NCOA2: variants seen among roughly 807,000 people sequenced by gnomAD.
The protein encoded by NCOA2 is class E basic helix-loop-helix protein 75.
Under a neutral mutation model 145.1 loss-of-function variants are expected in NCOA2, and 21 were observed. That is an observed-to-expected ratio of 0.14 (90% CI 0.10 to 0.21). The LOEUF is 0.21. NCOA2 is among the 10% of genes least tolerant of loss of function. NCOA2 has a pLI of 1.00. For synonymous variants in NCOA2, 619 were observed against 637.5 expected (o/e 0.97, Z 0.44); for missense variants, 1,472 against 1,837.6 (o/e 0.80, Z 3.64).
chr8:70,282,418 G>A (rs937960480), intron 2 of NCOA2, among the ~76,000 whole-genome samples: 3 of 152,184 alleles, frequency 2.0e-5, no homozygotes, highest in African/African-American at 7.2e-5. Flanking sequence ...GGGCACGGAG[G>A]CTCATGCCTT....
chr8:70,273,742 T>C, intron 2 of NCOA2: 1 of 610,732 alleles, frequency 1.6e-6, no homozygotes, highest in Non-Finnish European at 3.1e-6. Flanking sequence ...AAACAATCTG[T>C]GGGTGGAAAA....
At chr8:70,450,791 T>C in the NCOA2 span, among the ~76,000 whole-genome samples, 3 of 151,342 alleles carry the variant, frequency 2.0e-5, no homozygotes, top group Non-Finnish European at 4.4e-5. Context: ...AGTCTCGAAC[T>C]CTTGACCTCA....
At chr8:70,435,953 G>C in the NCOA2 span, among the ~76,000 whole-genome samples, 2 of 152,012 alleles carry the variant, frequency 1.3e-5, no homozygotes, top group African/African-American at 4.8e-5. Context: ...TGCGTGCCAC[G>C]ACGTCTGACA....
chr8:70,194,748 T>C lies in NCOA2; in HGVS notation c.259+19155A>G, dbSNP rs1373048687. Among the ~76,000 whole-genome samples, 5 of 146,688 alleles carry C rather than the reference T, an allele frequency of 3.4e-5. No individual in the cohort carries two copies. The South Asian group carries it at 8.7e-4, about 25-fold the overall frequency. ...TGAAAGTGTGCATCATCTTCTGAAA[T>C]AGGGATCTGCAAAAAATATTCTTCC... On this transcript the variant is annotated intron_variant, in intron 4 of 22. Transcript: ENST00000452400.
At chr8:70,132,050 T>C in intron 15 of NCOA2, 48 bp from the exon 16 acceptor site, 8 of 1,559,376 alleles carry the variant, frequency 5.1e-6, no homozygotes, top group Non-Finnish European at 7.0e-6. Context: ...AGCTAGTTGA[T>C]TAGAGAACAA....
rs1458417999 is a variant in NCOA2, at chr8:70,148,396, C to A, written c.2482G>T (p.Gly828Cys). 5.6e-6 allele frequency: 9 copies of A among 1,613,858 alleles called. No homozygotes were observed. The highest frequency in any genetic ancestry group is 7.6e-6 in the Non-Finnish European group (9 of 1,179,900). ...TTGTCAACTGATCCAGCAGGGGCGC[C>A]TGGCCTCGTGTCTGGGAAAAGCTGT... ...LPQLFPDTRPGAPAGSVDKQA... is the reference protein window; with the variant it reads ...LPQLFPDTRPCAPAGSVDKQA... The change falls in exon 12 of 23, where the codon GGC becomes TGC. Residue 828 changes from glycine (G) to cysteine (C), a missense_variant. Gly to Cys is a radical substitution (Grantham distance 159, BLOSUM62 -3). Around this residue, in one of 4 missense-constraint regions of NCOA2, gnomAD observed 953 missense variants for 1,062.1 expected, o/e 0.90. Coordinates refer to ENST00000452400, the MANE Select transcript of NCOA2 (RefSeq NM_006540.4).
At chr8:70,382,641 G>A (rs1314900357) in intron 1 of NCOA2, among the ~76,000 whole-genome samples, 1 of 152,182 alleles carries the variant, frequency 6.6e-6, no homozygotes, top group Non-Finnish European at 1.5e-5. Flanking sequence ...ATTATAATTT[G>A]TAAAAATGAA....
At chr8:70,342,316 T>C (rs1435839550) in intron 1 of NCOA2, among the ~76,000 whole-genome samples, 2 of 152,156 alleles carry the variant, frequency 1.3e-5, no homozygotes, top group African/African-American at 4.8e-5. Flanking sequence ...AAGGCAGTCC[T>C]TTGAGGCCTG....
chr8:70,190,460 T>C (rs1296254500), intron 4 of NCOA2, among the ~76,000 whole-genome samples: 3 of 152,190 alleles, frequency 2.0e-5, no homozygotes, highest in East Asian at 3.8e-4. Context: ...GGGAGCTCAA[T>C]TAAAACCTTG....
chr8:70,163,439 T>C (rs1403472434), intron 8 of NCOA2, 26 bp downstream of exon 8: 1 of 1,514,144 alleles, frequency 6.6e-7, no homozygotes, highest in South Asian at 1.1e-5. Flanking sequence ...ATGATTCCTT[T>C]GGTCTTCTTT....
chr8:70,123,250 G>A (rs1397643177), intron 21 of NCOA2, among the ~76,000 whole-genome samples: 3 of 152,220 alleles, frequency 2.0e-5, no homozygotes, highest in Non-Finnish European at 4.4e-5. Flanking sequence ...GATTATCTGT[G>A]TCGGTCTCTT....
intron 1 of NCOA2, among the ~76,000 whole-genome samples, chr8:70,403,190 G>A (rs1365142685): frequency 1.3e-5 from 2 of 151,228 alleles, no homozygotes; most frequent in Admixed American, 6.6e-5. Flanking sequence ...CACCTTCCCA[G>A]GATTCACCTT....
At chr8:70,448,745 C>T in the NCOA2 span, among the ~76,000 whole-genome samples, 1 of 151,088 alleles carries the variant, frequency 6.6e-6, no homozygotes, top group Non-Finnish European at 1.5e-5. Flanking sequence ...AAAGAATATA[C>T]TTAATTATTG....
chr8:70,402,857 C>T (rs1814459094), intron 1 of NCOA2, among the ~76,000 whole-genome samples: 1 of 146,322 alleles, frequency 6.8e-6, no homozygotes, highest in African/African-American at 2.5e-5. Flanking sequence ...CCCGGCTCGG[C>T]GCCGCCGGGG....
At chr8:70,121,274 A>G (rs748094074) in intron 22 of NCOA2, 28 bp downstream of exon 22, 1 of 1,564,720 alleles carries the variant, frequency 6.4e-7, no homozygotes, top group Non-Finnish European at 8.8e-7. Context: ...TTACTTCCAT[A>G]TTCATATATT....
chr8:70,301,673 A>G (rs1424128357), intron 1 of NCOA2, among the ~76,000 whole-genome samples: 4 of 145,880 alleles, frequency 2.7e-5, no homozygotes, highest in Non-Finnish European at 3.1e-5. Context: ...AAAAAAAAAA[A>G]AAAAAAAGAA....
chr8:70,397,835 C>T (rs181458864), intron 1 of NCOA2, among the ~76,000 whole-genome samples: 97 of 152,256 alleles, frequency 6.4e-4, no homozygotes, highest in Admixed American at 2.4e-3. Context: ...CATTTCAACC[C>T]CATTTTCAGG....
chr8:70,131,799 G>C (rs116291656), intron 16 of NCOA2, 38 bp downstream of exon 16: 18 of 1,558,826 alleles, frequency 1.2e-5, no homozygotes, highest in Non-Finnish European at 1.4e-5. Context: ...GCGCCCATGA[G>C]AGCGCTTGGC....
chr8:70,241,378 C>T (rs533961647), intron 2 of NCOA2, among the ~76,000 whole-genome samples: 7 of 152,268 alleles, frequency 4.6e-5, no homozygotes, highest in Non-Finnish European at 8.8e-5. Context: ...CCTTCATTCT[C>T]CTTCCTCTAA....
Sources: allele counts gnomAD v4.1 joint callset (sites outside exome capture counted in the v4.1 genomes callset), GRCh38; gene constraint gnomAD v4.1.1; regional missense constraint gnomAD v4.1.1; transcripts MANE v1.5; gene names NCBI Gene and HGNC (gene_info 2026-07-23, HGNC 2026-07-21).